Variants in TTC34 observed in about 807,000 individuals in gnomAD.
The protein encoded by TTC34 is tetratricopeptide repeat domain 34, also known as tetratricopeptide repeat protein 34.
Under a neutral mutation model 40.7 loss-of-function variants are expected in TTC34, and 44 were observed. The ratio of observed to expected loss-of-function variants is 1.08; its 90% confidence interval spans 0.85 to 1.39. The LOEUF is 1.39. Ranked by LOEUF, TTC34 falls within the 40% of genes most tolerant of loss-of-function variation. The pLI is 0.00. For missense variants in TTC34, 884 were observed against 838.0 expected, an observed-to-expected ratio of 1.05 and a Z score of -0.68; for synonymous variants, 422 against 398.6, an observed-to-expected ratio of 1.06 and a Z score of -0.70.
chr1:2,686,597 C>G (rs1486759703), intron 6 of TTC34, among the ~76,000 whole-genome samples: 1 of 151,146 alleles, frequency 6.6e-6, no homozygotes, highest in South Asian at 2.1e-4. Flanking sequence ...GAACAGCACA[C>G]ACACCCCCAG....
Position 2,681,632 on chromosome 1 carries a change from C to T in TTC34, c.2227-36069G>A, listed in dbSNP as rs542430942. ...CCTGGAACCGCAGCCACACCCCCAGCGAGCACCTGACAGCCTGGAGCAGCA... is the reference window on the plus strand; with the variant it reads ...CCTGGAACCGCAGCCACACCCCCAGTGAGCACCTGACAGCCTGGAGCAGCA... On this transcript the variant is annotated intron_variant, in intron 6 of 8. Transcript: ENST00000401095. Among the ~76,000 whole-genome samples the T allele has an allele frequency of 5.0e-5, 3 of 59,554 alleles. 1 individual carries two copies. The highest frequency in any genetic ancestry group is 1.8e-4 in the Admixed American group (1 of 5,658). The allele number at this position is 59,554 out of a possible 152,430, so 39.1% of individuals were successfully genotyped here.
rs564774533 is a variant in TTC34 at position 2,684,877 on chromosome 1, C to T, written c.2227-39314G>A. Among the ~76,000 whole-genome samples the T allele has an allele frequency of 9.8e-5, 11 of 112,644 alleles. 2 individuals carry two copies. Among genetic ancestry groups the T allele is most frequent in the Non-Finnish European group, 1.4e-4 (8 of 56,630 alleles). 73.9% of individuals were successfully genotyped at this position (112,644 alleles called of 152,430 possible). A position where few individuals can be genotyped will look rare whatever the true frequency, so the allele number is the denominator to read the frequency against. On this transcript the variant is annotated intron_variant, in intron 6 of 8. Coordinates refer to ENST00000401095, the Ensembl canonical transcript of TTC34. ...CTGACAGCCTGGAGCAGCACCCACA[C>T]CCCAGGTGAGCATCTGACAGCCTGG... is the stretch of plus-strand genomic sequence containing the variant.
chr1:2,800,661 G>T (rs772988528), exon 2 of TTC34: 4 of 398,496 alleles, frequency 1.0e-5, no homozygotes, highest in Middle Eastern at 6.3e-4. Context: ...CACCACCGCC[G>T]CCCCCCGAGC....
At chr1:2,752,290 C>A (rs1242698233) in intron 6 of TTC34, among the ~76,000 whole-genome samples, 1 of 106,886 alleles carries the variant, frequency 9.4e-6, no homozygotes, top group African/African-American at 4.5e-5. Flanking sequence ...GCACCTTGCA[C>A]CCCCAGGGGA....
intron 6 of TTC34, among the ~76,000 whole-genome samples, chr1:2,666,142 ATC>A (rs1639644852): frequency 8.0e-6 from 1 of 124,768 alleles, no homozygotes; most frequent in Non-Finnish European, 1.8e-5. Context: ...CCAGGTGAGC[ATC>A]TGACAGCCTG....
chr1:2,781,617 A>G (rs1248342953), intron 6 of TTC34, among the ~76,000 whole-genome samples: 5 of 151,942 alleles, frequency 3.3e-5, no homozygotes, highest in Admixed American at 2.6e-4. Flanking sequence ...TAGAGGAAAA[A>G]CTTTTCTTTT....
chr1:2,801,013 A>T lies in TTC34; in HGVS notation c.-41-145T>A, dbSNP rs938183361. The T allele has an allele frequency of 1.8e-5, 7 of 397,150 alleles. No individual in the cohort carries two copies. In the Admixed American group the frequency reaches 3.1e-4, roughly 18 times the overall value. 24.6% of individuals were successfully genotyped at this position (397,150 alleles called of 1,614,324 possible). A position where few individuals can be genotyped will look rare whatever the true frequency, so the allele number is the denominator to read the frequency against. On this transcript the variant is annotated intron_variant, in intron 1 of 8. Coordinates refer to ENST00000401095, the Ensembl canonical transcript of TTC34. The stretch of plus-strand genomic sequence containing the variant: ...ACCCCACTGGGTGAAAACTGGGGGG[A>T]TCCTGGGCTGGTGGGGTGGGGCCTA...
At chr1:2,753,424 G>T (rs1641393718) in intron 6 of TTC34, among the ~76,000 whole-genome samples, 1 of 126,086 alleles carries the variant, frequency 7.9e-6, no homozygotes, top group African/African-American at 3.5e-5. Context: ...ACCCACAGGT[G>T]AGCATCTGAC....
chr1:2,687,653 G>A (rs1347471779), intron 6 of TTC34, among the ~76,000 whole-genome samples: 11 of 151,560 alleles, frequency 7.3e-5, no homozygotes, highest in South Asian at 2.1e-4. Flanking sequence ...ACACCCCCAG[G>A]TGAGCATCTG....
intron 6 of TTC34, among the ~76,000 whole-genome samples, chr1:2,646,663 G>A (rs1475452551): frequency 6.6e-6 from 1 of 152,224 alleles, no homozygotes; most frequent in Non-Finnish European, 1.5e-5. Flanking sequence ...TGGCATTACA[G>A]GTGTGAGCTA....
chr1:2,796,386 G>A lies in TTC34; in HGVS notation c.784+3658C>T, dbSNP rs1399336322. Among the ~76,000 whole-genome samples the A allele has an allele frequency of 6.6e-6, 1 of 152,232 alleles. No homozygotes were observed. The highest frequency in any genetic ancestry group is 2.4e-5 in the African/African-American group (1 of 41,470). ...TCTCTTCTCATCGTAAGCCATGCTT[G>A]TGCTGGTGCTGGCGATGTGGGGAGT... On this transcript the variant is annotated intron_variant, in intron 2 of 8. Coordinates refer to ENST00000401095, the Ensembl canonical transcript of TTC34. This position sits in a 1 kb window ranked among gnomAD's most constrained non-coding sequence, Gnocchi z 4.5.
Position 2,645,444 on chromosome 1 carries a change from G to A in TTC34, c.2346C>T (p.Cys782=). 1.3e-6 allele frequency: 2 copies of A among 1,535,526 alleles called. No homozygotes were observed. The highest frequency in any genetic ancestry group is 1.2e-5 in the South Asian group (1 of 83,982). Reference sequence around the variant, plus strand: ...CTGGCAGCTGGCTCAGAAGGGCCCGGCAGTGGGAGTAGAGGCCCTGTGTGA... The same window carrying A: ...CTGGCAGCTGGCTCAGAAGGGCCCGACAGTGGGAGTAGAGGCCCTGTGTGA... Residue 782 remains cysteine, a synonymous_variant, in exon 7 of 9, where the codon TGC becomes TGT. Transcript: ENST00000401095. This position sits in a 1 kb window ranked among gnomAD's most constrained non-coding sequence, Gnocchi z 4.7.
At chr1:2,787,701 G>T in exon 4 of TTC34, 2 of 1,542,712 alleles carry the variant, frequency 1.3e-6, no homozygotes, top group Non-Finnish European at 1.8e-6. Flanking sequence ...CACGCCGCAG[G>T]CGACCCTGTG....
At chr1:2,755,716 A>G (rs1641481280) in intron 6 of TTC34, among the ~76,000 whole-genome samples, 1 of 22,736 alleles carries the variant, frequency 4.4e-5, no homozygotes, top group Non-Finnish European at 8.5e-5. Flanking sequence ...ACAGGTGAGC[A>G]TCCGACAGCC....
In TTC34 at chr1:2,698,935, G is replaced by C. The variant is rs562561668; in HGVS notation, c.2227-53372C>G. ...CCTGGAGTAGTATCCTGCACCCTCA[G>C]GTGAGCATCTGACAGCCTGGAACAT... On this transcript the variant is annotated intron_variant, in intron 6 of 8. Transcript: ENST00000401095. Among the ~76,000 whole-genome samples, 195 of 139,018 alleles carry C rather than the reference G, an allele frequency of 1.4e-3. 6 individuals carry two copies. Among genetic ancestry groups the C allele is most frequent in the African/African-American group, 4.9e-3 (188 of 38,514 alleles). 91.2% of individuals were successfully genotyped at this position (139,018 alleles called of 152,430 possible).
chr1:2,753,070 T>G (rs1227257878), intron 6 of TTC34, among the ~76,000 whole-genome samples: 3 of 95,478 alleles, frequency 3.1e-5, no homozygotes, highest in South Asian at 3.7e-4. Context: ...GGTGAGCATC[T>G]GACAGCCTGG....
At chr1:2,652,015 ACCTG>A (rs1639151818) in intron 6 of TTC34, among the ~76,000 whole-genome samples, 1 of 87,660 alleles carries the variant, frequency 1.1e-5, no homozygotes, top group South Asian at 5.0e-4. Flanking sequence ...CCAGGTGAGC[ACCTG>A]ACATCGTGGA....
At chr1:2,798,880 TC>T in intron 2 of TTC34, among the ~76,000 whole-genome samples, 1 of 83,188 alleles carries the variant, frequency 1.2e-5, no homozygotes. Flanking sequence ...CCTCCAAGCC[TC>T]CCAGCCCCCC....
chr1:2,685,045 T>C (rs1454001019), intron 6 of TTC34, among the ~76,000 whole-genome samples: 3 of 139,512 alleles, frequency 2.2e-5, no homozygotes, highest in East Asian at 2.1e-4. Context: ...CACCCACAGG[T>C]GAGCATCTGA....
Sources: allele counts gnomAD v4.1 joint callset (sites outside exome capture counted in the v4.1 genomes callset), GRCh38; gene constraint gnomAD v4.1.1; non-coding constraint Gnocchi (gnomAD v3.1); transcripts MANE v1.5; gene names NCBI Gene and HGNC (gene_info 2026-07-23, HGNC 2026-07-21).